Variants in GPC6 observed in about 807,000 individuals in gnomAD.
GPC6 encodes glypican-6.
In GPC6, 14 loss-of-function variants were observed where a neutral mutation model predicts 55.2. That is an observed-to-expected ratio of 0.25 (90% CI 0.17 to 0.40). The LOEUF (loss-of-function observed/expected upper bound fraction) is 0.40, where lower values mean the gene tolerates loss of function less well. GPC6 is among the 10% of genes least tolerant of loss of function. The probability of loss-of-function intolerance (pLI) is 1.00; values close to 1 mark genes in which losing one functional copy is unlikely to be tolerated. For synonymous variants in GPC6, 278 were observed against 259.6 expected (o/e 1.07, Z -0.68); for missense variants, 641 against 708.5 (o/e 0.90, Z 1.08).
chr13:93,382,619 G>A (rs1875227184), intron 1 of GPC6, among the ~76,000 whole-genome samples: 2 of 152,152 alleles, frequency 1.3e-5, no homozygotes, highest in African/African-American at 4.8e-5. Context: ...GGTTTCTAGA[G>A]CTATGTTGCC....
intron 2 of GPC6, among the ~76,000 whole-genome samples, chr13:93,586,893 C>T (rs1179043754): frequency 6.6e-6 from 1 of 152,030 alleles, no homozygotes; most frequent in Non-Finnish European, 1.5e-5. Flanking sequence ...GACATATATT[C>T]GTGTATATGT....
At chr13:93,421,431 A>G (rs1455194933) in intron 1 of GPC6, among the ~76,000 whole-genome samples, 1 of 152,138 alleles carries the variant, frequency 6.6e-6, no homozygotes. Context: ...AACATTCTTA[A>G]TGATAATTGT....
intron 1 of GPC6, among the ~76,000 whole-genome samples, chr13:93,355,413 G>A (rs905378874): frequency 1.3e-5 from 2 of 152,168 alleles, no homozygotes; most frequent in Non-Finnish European, 2.9e-5. Context: ...AAGTCAGGAA[G>A]GGTTTTTATG....
At chr13:94,382,807 T>A (rs958557262) in intron 7 of GPC6, among the ~76,000 whole-genome samples, 4 of 152,236 alleles carry the variant, frequency 2.6e-5, no homozygotes, top group African/African-American at 7.2e-5. Context: ...TGGTGGCAGA[T>A]GCCAGGTTTC....
At chr13:94,400,732 A>G (rs1197002418) in intron 8 of GPC6, among the ~76,000 whole-genome samples, 2 of 152,224 alleles carry the variant, frequency 1.3e-5, no homozygotes, top group Non-Finnish European at 2.9e-5. Flanking sequence ...GAGCAGCTCA[A>G]CAGAGCATCA....
At chr13:93,724,809 C>A (rs967550795) in intron 2 of GPC6, among the ~76,000 whole-genome samples, 1 of 151,972 alleles carries the variant, frequency 6.6e-6, no homozygotes, top group Non-Finnish European at 1.5e-5. Context: ...TTCATTGATG[C>A]ACAATTTATC....
At chr13:93,962,719 C>G (rs1879841893) in intron 3 of GPC6, among the ~76,000 whole-genome samples, 1 of 152,090 alleles carries the variant, frequency 6.6e-6, no homozygotes, top group African/African-American at 2.4e-5. Flanking sequence ...CTGTTTCTGT[C>G]ACCCCAAGAA....
intron 2 of GPC6, among the ~76,000 whole-genome samples, chr13:93,737,799 A>G (rs188443793): frequency 5.9e-5 from 9 of 152,232 alleles, no homozygotes; most frequent in Admixed American, 2.6e-4. Flanking sequence ...TCAAAACATT[A>G]TATTTATTTT....
intron 1 of GPC6, among the ~76,000 whole-genome samples, chr13:93,435,577 G>A (rs568305733): frequency 1.3e-5 from 2 of 151,530 alleles, no homozygotes; most frequent in Admixed American, 1.3e-4. Flanking sequence ...TACTATGCCA[G>A]AAAACCACCA....
the GPC6 span, among the ~76,000 whole-genome samples, chr13:93,218,444 A>C: frequency 2.0e-5 from 3 of 152,194 alleles, no homozygotes; most frequent in Non-Finnish European, 4.4e-5. Context: ...AATAGAGATC[A>C]AGATCAGTGC....
chr13:93,686,867 T>C (rs1345793934), intron 2 of GPC6, among the ~76,000 whole-genome samples: 1 of 152,116 alleles, frequency 6.6e-6, no homozygotes, highest in Non-Finnish European at 1.5e-5. Flanking sequence ...GAATAGCTCC[T>C]CTTGTTTTTA....
intron 2 of GPC6, among the ~76,000 whole-genome samples, chr13:93,766,216 C>T (rs867262242): frequency 5.3e-5 from 8 of 152,194 alleles, no homozygotes; most frequent in South Asian, 2.1e-4. Flanking sequence ...CAAATGATGC[C>T]GTTTTTAATG....
In GPC6 at chr13:93,309,763, T is replaced by C. The variant is rs188475921; in HGVS notation, c.160+82147T>C. 2.6e-4 allele frequency among the ~76,000 whole-genome samples: 39 copies of C among 152,324 alleles called. No homozygotes were observed. The East Asian group carries it at 6.8e-3, about 26-fold the overall frequency. On this transcript the variant is annotated intron_variant, in intron 1 of 8. Transcript: ENST00000377047. ...GTTTGGTGATCATGTGGGGATATAA[T>C]GTACGTAGTAATGTTACACAGTGTA...
At chr13:93,583,779 G>C (rs1418304449) in intron 2 of GPC6, among the ~76,000 whole-genome samples, 1 of 152,030 alleles carries the variant, frequency 6.6e-6, no homozygotes. Flanking sequence ...TATTATATAC[G>C]GACTAATAGA....
intron 1 of GPC6, among the ~76,000 whole-genome samples, chr13:93,426,815 T>C (rs1308821470): frequency 1.3e-5 from 2 of 151,008 alleles, no homozygotes. Context: ...ATCGCCACAC[T>C]GACTTCCACA....
At chr13:93,409,880 AAAAG>A (rs1458981656) in intron 1 of GPC6, among the ~76,000 whole-genome samples, 2 of 152,224 alleles carry the variant, frequency 1.3e-5, no homozygotes, top group Non-Finnish European at 2.9e-5. Flanking sequence ...CCAGAAGTGT[AAAAG>A]AAAACAAAAT....
intron 4 of GPC6, among the ~76,000 whole-genome samples, chr13:94,119,086 C>T (rs1296976251): frequency 6.6e-6 from 1 of 151,118 alleles, no homozygotes; most frequent in African/African-American, 2.4e-5. Flanking sequence ...TATGTGTGTG[C>T]ATATATGTAT....
rs140556359 is a variant in GPC6, at chr13:94,070,153, A to G, written c.877+42259A>G. Among the ~76,000 whole-genome samples, 235 of 152,324 alleles carry G rather than the reference A, an allele frequency of 1.5e-3. 1 individual carries two copies. The highest frequency in any genetic ancestry group is 0.014 in the Middle Eastern group (4 of 294). On this transcript the variant is annotated intron_variant, in intron 4 of 8. Coordinates refer to ENST00000377047, the MANE Select transcript of GPC6 (RefSeq NM_005708.5). ...TGGAAGGCAAGGAGGAGCAAGTTAC[A>G]TCTTACAAGGATGGCGGCAGGCAAA...
intron 1 of GPC6, among the ~76,000 whole-genome samples, chr13:93,253,805 C>T (rs1876865305): frequency 6.6e-6 from 1 of 152,118 alleles, no homozygotes. Flanking sequence ...GTAAATGGAA[C>T]TTGCATCTGT....
Sources: allele counts gnomAD v4.1 joint callset (sites outside exome capture counted in the v4.1 genomes callset), GRCh38; gene constraint gnomAD v4.1.1; transcripts MANE v1.5; gene names NCBI Gene and HGNC (gene_info 2026-07-23, HGNC 2026-07-21).